The following CADM2 variants were observed in gnomAD, a reference collection of about 807,000 sequenced individuals.
CADM2 encodes the protein immunoglobulin superfamily member 4D.
CADM2 carries 12 observed loss-of-function variants against 49.8 expected under a neutral mutation model. The ratio of observed to expected loss-of-function variants is 0.24; its 90% CI spans 0.15 to 0.39. CADM2 has a LOEUF of 0.39. Among genes scored for constraint, CADM2 ranks in the 10% least tolerant of loss-of-function variants. The pLI is 1.00. For synonymous variants in CADM2, 214 were observed against 175.4 expected, an observed-to-expected ratio of 1.22 and a Z score of -1.74; for missense variants, 378 against 492.3, an observed-to-expected ratio of 0.77 and a Z score of 2.20.
rs78311176 is a variant in CADM2, at chr3:85,408,665, C to T, written c.62-317857C>T. Among the ~76,000 whole-genome samples, 415 of 152,274 alleles carry T rather than the reference C, an allele frequency of 2.7e-3. 4 individuals are homozygous for T. Among genetic ancestry groups the T allele is most frequent in the African/African-American group, 9.7e-3 (403 of 41,560 alleles). ...CTTATTCTGAGCAGTGCACTAAAGT[C>T]GGAGATGCTCTCTCTGCAGCGGGGG... On this transcript the variant is annotated intron_variant, in intron 1 of 9. Transcript: ENST00000383699.
intron 1 of CADM2, among the ~76,000 whole-genome samples, chr3:85,024,021 G>T (rs2034618783): frequency 6.6e-6 from 1 of 151,996 alleles, no homozygotes; most frequent in Non-Finnish European, 1.5e-5. Flanking sequence ...AGATATTGTG[G>T]GGGCTAAATT....
intron 1 of CADM2, among the ~76,000 whole-genome samples, chr3:85,388,615 T>C (rs1007973924): frequency 6.6e-6 from 1 of 152,148 alleles, no homozygotes; most frequent in African/African-American, 2.4e-5. Context: ...AGGGAAGCAG[T>C]GCAATGTGTG....
At chr3:85,606,611 C>T (rs1156297241) in intron 1 of CADM2, among the ~76,000 whole-genome samples, 1 of 151,988 alleles carries the variant, frequency 6.6e-6, no homozygotes, top group Non-Finnish European at 1.5e-5. Flanking sequence ...GTGCTACAGG[C>T]AATCAGAGAA....
intron 1 of CADM2, among the ~76,000 whole-genome samples, chr3:85,445,051 T>G (rs2037381892): frequency 6.6e-6 from 1 of 152,126 alleles, no homozygotes. Flanking sequence ...TAACTATTAC[T>G]AAATGAGTAC....
intron 3 of CADM2, among the ~76,000 whole-genome samples, chr3:85,821,427 A>T (rs2073560161): frequency 6.6e-6 from 1 of 152,106 alleles, no homozygotes; most frequent in Non-Finnish European, 1.5e-5. Flanking sequence ...CCCACTTCCT[A>T]CTCTTATTCA....
intron 1 of CADM2, among the ~76,000 whole-genome samples, chr3:85,350,124 T>C (rs1038946090): frequency 2.0e-5 from 3 of 152,226 alleles, no homozygotes; most frequent in African/African-American, 7.2e-5. Context: ...CAAAGTCATC[T>C]TAATATAGGC....
At chr3:85,635,230 A>C (rs2064433541) in intron 1 of CADM2, among the ~76,000 whole-genome samples, 1 of 152,122 alleles carries the variant, frequency 6.6e-6, no homozygotes, top group African/African-American at 2.4e-5. Context: ...CTGATGCACA[A>C]AAAATTTTCT....
intron 1 of CADM2, among the ~76,000 whole-genome samples, chr3:85,473,778 C>G (rs1482928754): frequency 6.6e-6 from 1 of 152,014 alleles, no homozygotes; most frequent in African/African-American, 2.4e-5. Flanking sequence ...GATTGTGTTA[C>G]TATTGTAGGT....
At chr3:85,060,283 C>T (rs554466470) in intron 1 of CADM2, among the ~76,000 whole-genome samples, 21 of 152,126 alleles carry the variant, frequency 1.4e-4, no homozygotes, top group African/African-American at 4.6e-4. Context: ...CCCACCACCA[C>T]GCCTGGCTAA....
At chr3:86,046,739 G>C (rs1736730648) in intron 8 of CADM2, among the ~76,000 whole-genome samples, 1 of 151,972 alleles carries the variant, frequency 6.6e-6, no homozygotes, top group Non-Finnish European at 1.5e-5. Context: ...AAATGTCATT[G>C]GTTTTATTGG....
At chr3:85,135,802 C>T (rs1347554448) in intron 1 of CADM2, among the ~76,000 whole-genome samples, 2 of 151,916 alleles carry the variant, frequency 1.3e-5, no homozygotes, top group Non-Finnish European at 2.9e-5. Flanking sequence ...TTTATACTTT[C>T]ATCAGTAGTG....
intron 1 of CADM2, among the ~76,000 whole-genome samples, chr3:85,592,585 C>A (rs775006094): frequency 6.6e-6 from 1 of 151,744 alleles, no homozygotes; most frequent in Non-Finnish European, 1.5e-5. Context: ...TATATCTAGA[C>A]CTTCATGGAA....
At chr3:85,760,851 T>C (rs917563411) in intron 2 of CADM2, among the ~76,000 whole-genome samples, 6 of 152,196 alleles carry the variant, frequency 3.9e-5, no homozygotes, top group Non-Finnish European at 5.9e-5. Context: ...CTTTAAAATA[T>C]TGTTTGAAAA....
chr3:85,223,534 A>T (rs977215326), intron 1 of CADM2, among the ~76,000 whole-genome samples: 8 of 152,312 alleles, frequency 5.3e-5, no homozygotes, highest in African/African-American at 1.9e-4. Context: ...TACAATGGGG[A>T]TAGTAATGTA....
intron 2 of CADM2, among the ~76,000 whole-genome samples, chr3:85,732,633 A>T (rs536107634): frequency 6.6e-6 from 1 of 152,310 alleles, no homozygotes; most frequent in African/African-American, 2.4e-5. Context: ...CTAACTTTTA[A>T]AAAAGTAAGT....
chr3:84,992,135 G>A (rs1262635424), intron 1 of CADM2, among the ~76,000 whole-genome samples: 1 of 152,098 alleles, frequency 6.6e-6, no homozygotes, highest in Non-Finnish European at 1.5e-5. Context: ...GAAACCTAAT[G>A]TAAACTATGG....
intron 8 of CADM2, among the ~76,000 whole-genome samples, chr3:86,018,562 T>G (rs1376439004): frequency 1.3e-5 from 2 of 152,224 alleles, no homozygotes; most frequent in Non-Finnish European, 2.9e-5. Flanking sequence ...TTTTTAATGA[T>G]TGCCATTCTA....
intron 1 of CADM2, among the ~76,000 whole-genome samples, chr3:85,720,085 C>A (rs1290724613): frequency 6.6e-6 from 1 of 152,240 alleles, no homozygotes; most frequent in Middle Eastern, 3.4e-3. Flanking sequence ...ATTGATGTGT[C>A]TTTTAGGTTT....
chr3:85,354,630 G>GAGAGAGAGAC (rs1382087292), intron 1 of CADM2, among the ~76,000 whole-genome samples: 27 of 151,378 alleles, frequency 1.8e-4, no homozygotes, highest in African/African-American at 6.3e-4. Context: ...GAGAGAGAGA[G>GAGAGAGAGAC]AGAGAGAGAG....
Sources: gnomAD v4.1 joint callset for allele counts (sites outside exome capture counted in the v4.1 genomes callset) on GRCh38, gnomAD v4.1.1 for gene constraint, MANE v1.5 for transcripts, NCBI Gene and HGNC (gene_info 2026-07-23, HGNC 2026-07-21) for gene names.